MITF: variants seen among roughly 807,000 people sequenced by gnomAD.
MITF encodes the protein melanocyte inducing transcription factor.
In MITF, 17 loss-of-function variants were observed where a neutral mutation model predicts 60.5. That is an observed-to-expected ratio of 0.28 (90% CI 0.19 to 0.42). MITF has a LOEUF of 0.42. Ranked by LOEUF, MITF falls within the 10% of genes least tolerant of loss-of-function variation. The probability of loss-of-function intolerance (pLI) is 1.00; values close to 1 mark genes in which losing one functional copy is unlikely to be tolerated. For synonymous variants in MITF, 260 were observed against 248.5 expected (o/e 1.05, Z -0.43); for missense variants, 622 against 683.5 (o/e 0.91, Z 1.00).
At position 69,820,031 on chromosome 3, in the gene MITF, A is replaced by G. The variant is rs539059922; in HGVS notation, c.105-59103A>G. On this transcript the variant is annotated intron_variant, in intron 1 of 9. Coordinates refer to ENST00000352241, the MANE Select transcript of MITF (RefSeq NM_001354604.2). Reference sequence around the variant, plus strand: ...AGCATTGATGTCCAATGTGGTAGCTATTGAACCCTTGAAATGTGGCTAGCC... The same window carrying G: ...AGCATTGATGTCCAATGTGGTAGCTGTTGAACCCTTGAAATGTGGCTAGCC... Among the ~76,000 whole-genome samples the G allele has an allele frequency of 2.0e-5, 3 of 152,314 alleles. No individual in the cohort carries two copies. The East Asian group carries it at 5.8e-4, about 29-fold the overall frequency.
intron 1 of MITF, among the ~76,000 whole-genome samples, chr3:69,824,616 C>T (rs1452363628): frequency 6.6e-6 from 1 of 152,192 alleles, no homozygotes; most frequent in Non-Finnish European, 1.5e-5. Flanking sequence ...TTCTCCAGGA[C>T]CTGGCTCTTG....
chr3:69,915,475 A>G (rs910605504), intron 2 of MITF, among the ~76,000 whole-genome samples: 40 of 151,696 alleles, frequency 2.6e-4, no homozygotes, highest in African/African-American at 9.2e-4. Flanking sequence ...GCCACTTCAT[A>G]TATATATTTG....
chr3:69,941,167 G>A, intron 4 of MITF, 69 bp from the exon 5 acceptor site: 2 of 1,016,856 alleles, frequency 2.0e-6, no homozygotes, highest in Non-Finnish European at 1.5e-6. Context: ...AAGACCATGA[G>A]TCTCTTTTTA....
At chr3:69,840,801 T>C (rs1348437373) in intron 1 of MITF, among the ~76,000 whole-genome samples, 2 of 151,614 alleles carry the variant, frequency 1.3e-5, no homozygotes, top group Non-Finnish European at 2.9e-5. Flanking sequence ...TCACCTAGGC[T>C]GGAGTGCAGT....
chr3:69,813,691 C>T (rs923514297), intron 1 of MITF, among the ~76,000 whole-genome samples: 3 of 152,056 alleles, frequency 2.0e-5, no homozygotes, highest in South Asian at 2.1e-4. Context: ...TATACAATAC[C>T]GTTCTTTTTA....
intron 1 of MITF, among the ~76,000 whole-genome samples, chr3:69,796,804 A>G (rs1360214739): frequency 2.0e-5 from 3 of 152,198 alleles, no homozygotes; most frequent in Non-Finnish European, 2.9e-5. Context: ...GTCATGAAAC[A>G]TAACCTGGGA....
rs2066715422 is a variant in MITF, at chr3:69,967,388, T to C, written c.*2140T>C. 8.6e-6 allele frequency: 2 copies of C among 232,852 alleles called. No homozygotes were observed. Among genetic ancestry groups the C allele is most frequent in the Non-Finnish European group, 1.7e-5 (2 of 117,520 alleles). 14.4% of individuals were successfully genotyped at this position (232,852 alleles called of 1,614,324 possible). The stretch of plus-strand genomic sequence containing the variant: ...AATCATAGCATTGTCTATTTTTCTC[T>C]TCATATTTATATGGGGGGGAGGGCG... On this transcript the variant is annotated 3_prime_UTR_variant, in exon 10 of 10. Coordinates refer to ENST00000352241, the MANE Select transcript of MITF (RefSeq NM_001354604.2).
intron 1 of MITF, chr3:69,866,230 A>G: frequency 6.2e-7 from 1 of 1,607,828 alleles, no homozygotes; most frequent in Non-Finnish European, 8.5e-7. Flanking sequence ...AGCCAGTGCC[A>G]GAACTAACTT....
At chr3:69,843,811 G>A (rs1425263124) in intron 1 of MITF, among the ~76,000 whole-genome samples, 1 of 152,022 alleles carries the variant, frequency 6.6e-6, no homozygotes, top group Non-Finnish European at 1.5e-5. Flanking sequence ...TGTTACATAG[G>A]TATACACATG....
chr3:69,881,410 A>G (rs2064484615), intron 2 of MITF, among the ~76,000 whole-genome samples: 1 of 152,106 alleles, frequency 6.6e-6, no homozygotes, highest in African/African-American at 2.4e-5. Context: ...TAGGTTTGAT[A>G]GCTATTTAGA....
intron 2 of MITF, chr3:69,937,038 G>GAA (rs1374746284): frequency 3.3e-6 from 1 of 300,744 alleles, no homozygotes; most frequent in East Asian, 5.8e-5. Flanking sequence ...TCTTTATCAA[G>GAA]AAAAAAGTGA....
intron 5 of MITF, 78 bp from the exon 6 acceptor site, chr3:69,948,973 A>G: frequency 9.9e-7 from 1 of 1,014,210 alleles, no homozygotes; most frequent in South Asian, 1.3e-5. Context: ...TAAATCCTAG[A>G]GTAGGATATA....
chr3:69,844,919 A>G (rs1369548521), intron 1 of MITF, among the ~76,000 whole-genome samples: 2 of 152,206 alleles, frequency 1.3e-5, no homozygotes, highest in Non-Finnish European at 2.9e-5. Flanking sequence ...ATGGGATTCA[A>G]TAAAGTATTG....
At chr3:69,944,271 G>A (rs1356393600) in intron 5 of MITF, among the ~76,000 whole-genome samples, 1 of 152,110 alleles carries the variant, frequency 6.6e-6, no homozygotes, top group Non-Finnish European at 1.5e-5. Context: ...AGGTGCTGTG[G>A]ATGCGAAGGT....
chr3:69,943,440 C>T (rs912708250), intron 5 of MITF, among the ~76,000 whole-genome samples: 12 of 152,104 alleles, frequency 7.9e-5, no homozygotes, highest in Non-Finnish European at 1.6e-4. Context: ...TAAAATGGGG[C>T]TGTTATATAT....
intron 2 of MITF, among the ~76,000 whole-genome samples, chr3:69,894,926 AG>A (rs1162700448): frequency 2.6e-5 from 4 of 152,120 alleles, no homozygotes; most frequent in Admixed American, 2.6e-4. Flanking sequence ...AGTCTTGCAA[AG>A]TTCACTACTT....
Position 69,966,812 on chromosome 3 carries a change from G to C in MITF, c.*1564G>C. 4.3e-6 allele frequency: 1 copy of C among 232,816 alleles called. No individual in the cohort carries two copies. Among genetic ancestry groups the C allele is most frequent in the Non-Finnish European group, 8.5e-6 (1 of 117,550 alleles). The allele number at this position is 232,816 out of a possible 1,614,324, so 14.4% of individuals were successfully genotyped here. ...ACAACTGAATAGCAAGTGGCATAAA[G>C]CATATCCATTCAGAATGAAGTGCCT... On this transcript the variant is annotated 3_prime_UTR_variant, in exon 10 of 10. Transcript: ENST00000352241.
chr3:69,862,540 T>C (rs1406763084), intron 1 of MITF, among the ~76,000 whole-genome samples: 5 of 152,184 alleles, frequency 3.3e-5, no homozygotes, highest in African/African-American at 1.2e-4. Context: ...CTAAATAAAA[T>C]AAGAAGAATT....
chr3:69,929,553 G>A (rs2065669893), intron 2 of MITF, among the ~76,000 whole-genome samples: 1 of 152,114 alleles, frequency 6.6e-6, no homozygotes, highest in African/African-American at 2.4e-5. Flanking sequence ...ACTGTGAATA[G>A]CATTGATGTA....
Sources: gnomAD v4.1 joint callset for allele counts (sites outside exome capture counted in the v4.1 genomes callset) on GRCh38, gnomAD v4.1.1 for gene constraint, MANE v1.5 for transcripts, NCBI Gene and HGNC (gene_info 2026-07-23, HGNC 2026-07-21) for gene names.